C1orf54: variants seen among roughly 807,000 people sequenced by gnomAD.
C1orf54 encodes the protein uncharacterized protein C1orf54.
In C1orf54, 12 loss-of-function variants were observed where a neutral mutation model predicts 14.7. The observed-to-expected ratio is 0.82, with a 90% CI of 0.52 to 1.32. The LOEUF (loss-of-function observed/expected upper bound fraction) is 1.32. Among genes scored for constraint, C1orf54 ranks in the 40% most tolerant of loss-of-function variants. C1orf54 has a pLI of 0.00. For synonymous variants in C1orf54, 65 were observed against 56.3 expected, an observed-to-expected ratio of 1.16 and a Z score of -0.70; for missense variants, 163 against 162.2, an observed-to-expected ratio of 1.00 and a Z score of -0.03.
In C1orf54 at chr1:150,276,583, G is replaced by C. The variant is rs782598834; in HGVS notation, c.251G>C (p.Arg84Pro). 1 of 1,614,126 alleles carries C rather than the reference G, an allele frequency of 6.2e-7. No individual in the cohort carries two copies. Among genetic ancestry groups the C allele is most frequent in the Non-Finnish European group, 8.5e-7 (1 of 1,180,034 alleles). Reference protein sequence around the residue: ...IETTISLETARADHPKPVTVK... With the variant: ...IETTISLETAPADHPKPVTVK... ...ACTACCATTAGTCTTGAAACAGCAC[G>C]TGCAGACCATCCGAAGCCTGTAACT... Residue 84 changes from arginine (R) to proline (P), a missense_variant, in exon 4 of 6, where the codon CGT becomes CCT. Physicochemically the swap from Arg to Pro is moderately radical, Grantham distance 103. Coordinates refer to ENST00000369099, the MANE Select transcript of C1orf54 (RefSeq NM_024579.4).
chr1:150,279,662 C>T lies in C1orf54; in HGVS notation c.320C>T (p.Ala107Val). 1 of 1,612,354 alleles carries T rather than the reference C, an allele frequency of 6.2e-7. No homozygotes were observed. The highest frequency in any genetic ancestry group is 8.5e-7 in the Non-Finnish European group (1 of 1,179,256). Residue 107 changes from alanine to valine, a missense_variant, in exon 5 of 6, where the codon GCC (alanine) becomes GTC (valine). Coordinates refer to ENST00000369099, the MANE Select transcript of C1orf54 (RefSeq NM_024579.4). ...TAGCAGAGTCCAGATCTGAACGATG[C>T]CGTGTCCAGTTTGCGAAGTCCTATT... Reference protein sequence around the residue: ...TTEPSPDLNDAVSSLRSPIPL... With the variant: ...TTEPSPDLNDVVSSLRSPIPL...
chr1:150,279,214 A>G (rs1334375656), intron 4 of C1orf54, among the ~76,000 whole-genome samples: 2 of 152,258 alleles, frequency 1.3e-5, no homozygotes, highest in Non-Finnish European at 2.9e-5. Flanking sequence ...GGTTACAGCG[A>G]GCTGAGATTG....
chr1:150,278,097 C>CA (rs1206267694), intron 4 of C1orf54, among the ~76,000 whole-genome samples: 2 of 812 alleles, frequency 2.5e-3, no homozygotes, highest in Admixed American at 0.019. Context: ...AACTCCATCT[C>CA]AAAAAAAGAA....
intron 3 of C1orf54, 71 bp from the exon 4 acceptor site, chr1:150,276,451 G>A (rs1652661868): frequency 1.6e-6 from 2 of 1,284,270 alleles, no homozygotes; most frequent in Admixed American, 1.7e-5. Flanking sequence ...AGAACTTTAA[G>A]TAGAGAATCT....
intron 2 of C1orf54, 72 bp downstream of exon 2, chr1:150,274,242 G>A: frequency 8.4e-7 from 1 of 1,185,894 alleles, no homozygotes; most frequent in Non-Finnish European, 1.2e-6. Flanking sequence ...CTGAGACTTT[G>A]CTCTTCACTT....
At chr1:150,277,201 T>C (rs1652726915) in intron 4 of C1orf54, among the ~76,000 whole-genome samples, 1 of 152,036 alleles carries the variant, frequency 6.6e-6, no homozygotes, top group African/African-American at 2.4e-5. Flanking sequence ...GAATAGTTAT[T>C]CCAAGAGTGA....
chr1:150,274,650 T>C (rs587687593), intron 2 of C1orf54, among the ~76,000 whole-genome samples: 1 of 146,048 alleles, frequency 6.8e-6, no homozygotes, highest in Admixed American at 6.8e-5. Flanking sequence ...CAGTGACTCA[T>C]GCCTGTAATC....
rs587689478 is a variant in C1orf54 at position 150,274,455 on chromosome 1, C to T, written c.130+285C>T. 5.3e-5 allele frequency among the ~76,000 whole-genome samples: 8 copies of T among 151,574 alleles called. No individual in the cohort carries two copies. In the South Asian group the frequency reaches 1.7e-3, roughly 32 times the overall value. ...CTCTACTAAAAATACAAAAAATTAGCCGGGTGTGGTGGCGGGTGCCTGCAG... is the reference window on the plus strand; with the variant it reads ...CTCTACTAAAAATACAAAAAATTAGTCGGGTGTGGTGGCGGGTGCCTGCAG... On this transcript the variant is annotated intron_variant, in intron 2 of 5. Transcript: ENST00000369099.
chr1:150,270,337 T>A (rs587656975), upstream of C1orf54, among the ~76,000 whole-genome samples: 37 of 152,284 alleles, frequency 2.4e-4, no homozygotes, highest in African/African-American at 8.4e-4. Flanking sequence ...AGCTGAGGAA[T>A]AGATTGTATA....
At chr1:150,273,080 G>A (rs1652338255) in intron 1 of C1orf54, among the ~76,000 whole-genome samples, 2 of 152,142 alleles carry the variant, frequency 1.3e-5, no homozygotes, top group Non-Finnish European at 2.9e-5. Flanking sequence ...AAGGAGGATG[G>A]AGCTCCAGAC....
chr1:150,278,764 C>G (rs1317375833), intron 4 of C1orf54, among the ~76,000 whole-genome samples: 1 of 152,066 alleles, frequency 6.6e-6, no homozygotes, highest in African/African-American at 2.4e-5. Flanking sequence ...TGGAGAAAAG[C>G]TAGATTTTTG....
intron 4 of C1orf54, among the ~76,000 whole-genome samples, chr1:150,279,347 C>G (rs1349081279): frequency 6.6e-6 from 1 of 152,146 alleles, no homozygotes; most frequent in African/African-American, 2.4e-5. Flanking sequence ...TTGTCTTATT[C>G]ATATTTATGT....
At chr1:150,279,507 T>C (rs1652928377) in intron 4 of C1orf54, 136 bp from the exon 5 acceptor site, 2 of 817,260 alleles carry the variant, frequency 2.4e-6, no homozygotes, top group Non-Finnish European at 3.9e-6. Context: ...TGGGGAAGGA[T>C]GGATCTTTCT....
chr1:150,271,229 C>T (rs587758510), upstream of C1orf54, among the ~76,000 whole-genome samples: 2 of 151,900 alleles, frequency 1.3e-5, no homozygotes, highest in South Asian at 4.2e-4. Context: ...TCTCCTGCTT[C>T]AGCCTCCCTA....
chr1:150,268,814 T>C (rs1283191804), upstream of C1orf54: 2 of 1,609,610 alleles, frequency 1.2e-6, no homozygotes, highest in Non-Finnish European at 1.7e-6. Flanking sequence ...CCCCCATGGC[T>C]GGTCAGGTGG....
upstream of C1orf54, among the ~76,000 whole-genome samples, chr1:150,271,568 C>T (rs587731997): frequency 3.9e-5 from 6 of 152,366 alleles, no homozygotes; most frequent in African/African-American, 1.4e-4. Context: ...CAAAGCAAAA[C>T]TGTCTTTTCT....
chr1:150,273,007 G>A (rs1163453524), intron 1 of C1orf54, 144 bp downstream of exon 1: 3 of 920,756 alleles, frequency 3.3e-6, no homozygotes, highest in Admixed American at 4.3e-5. Flanking sequence ...CGGTGTTGAG[G>A]GCAGAATGGA....
At chr1:150,275,923 G>A in intron 3 of C1orf54, 124 bp downstream of exon 3, 1 of 780,592 alleles carries the variant, frequency 1.3e-6, no homozygotes, top group African/African-American at 1.8e-5. Context: ...GATCATTTGA[G>A]GTCAAGAGTT....
At chr1:150,279,493 G>C in intron 4 of C1orf54, 150 bp from the exon 5 acceptor site, 1 of 741,390 alleles carries the variant, frequency 1.3e-6, no homozygotes, top group African/African-American at 1.8e-5. Context: ...ACTCCTTACA[G>C]TGATGGGGAA....
Sources: gnomAD v4.1 joint callset for allele counts (sites outside exome capture counted in the v4.1 genomes callset) on GRCh38, gnomAD v4.1.1 for gene constraint, MANE v1.5 for transcripts, NCBI Gene and HGNC (gene_info 2026-07-23, HGNC 2026-07-21) for gene names.